The following STEAP1B variants were observed in gnomAD, a reference collection of about 807,000 sequenced individuals.
STEAP1B encodes STEAP family protein MGC87042.
A neutral mutation model predicts 27.9 loss-of-function variants in STEAP1B; 13 were observed. The ratio of observed to expected loss-of-function variants is 0.47; its 90% CI spans 0.30 to 0.74. STEAP1B has a LOEUF of 0.74. Among genes scored for constraint, STEAP1B ranks in the 30% least tolerant of loss-of-function variants. The pLI, the probability that STEAP1B is intolerant of heterozygous loss-of-function variation, is 0.06. For synonymous variants in STEAP1B, 86 were observed against 107.1 expected, an observed-to-expected ratio of 0.80 and a Z score of 1.22; for missense variants, 250 against 298.7, an observed-to-expected ratio of 0.84 and a Z score of 1.20.
intron 4 of STEAP1B, among the ~76,000 whole-genome samples, chr7:22,422,117 G>A (rs1990166): frequency 0.5 from 76,638 of 152,128 alleles, 19,483 homozygotes; most frequent in Middle Eastern, 0.62. Flanking sequence ...AAATATTGAT[G>A]GCTCTAATTT....
intron 4 of STEAP1B, among the ~76,000 whole-genome samples, chr7:22,483,917 A>G (rs1786129559): frequency 6.6e-6 from 1 of 152,228 alleles, no homozygotes; most frequent in African/African-American, 2.4e-5. Context: ...AGTTTGTTAG[A>G]AGATCAAACT....
intron 4 of STEAP1B, among the ~76,000 whole-genome samples, chr7:22,443,980 T>A (rs964502164): frequency 8.5e-5 from 13 of 152,246 alleles, no homozygotes; most frequent in Non-Finnish European, 1.3e-4. Context: ...TGAGTCCCAC[T>A]GCCCTGGTTT....
intron 4 of STEAP1B, among the ~76,000 whole-genome samples, chr7:22,443,912 G>A (rs1399149463): frequency 6.6e-6 from 1 of 152,246 alleles, no homozygotes; most frequent in Non-Finnish European, 1.5e-5. Flanking sequence ...CTGAGGTCCA[G>A]CTGAAGGTGA....
At chr7:22,442,085 T>C (rs1033345033) in intron 4 of STEAP1B, among the ~76,000 whole-genome samples, 1 of 152,194 alleles carries the variant, frequency 6.6e-6, no homozygotes, top group Non-Finnish European at 1.5e-5. Flanking sequence ...TCTGGGTAAA[T>C]GTTCTCTGTA....
chr7:22,484,752 C>T (rs1786170958), intron 4 of STEAP1B, among the ~76,000 whole-genome samples: 1 of 152,162 alleles, frequency 6.6e-6, no homozygotes, highest in African/African-American at 2.4e-5. Flanking sequence ...GAAAGATTTA[C>T]CATTTTAGAT....
chr7:22,445,716 C>G (rs73083152), intron 4 of STEAP1B, among the ~76,000 whole-genome samples: 19,341 of 152,322 alleles, frequency 0.13, 1,500 homozygotes, highest in Non-Finnish European at 0.18. Flanking sequence ...GGGCACTGCT[C>G]TCCAAGCAGC....
intron 4 of STEAP1B, among the ~76,000 whole-genome samples, chr7:22,434,812 G>A (rs1026878794): frequency 1.1e-4 from 16 of 152,054 alleles, no homozygotes; most frequent in Non-Finnish European, 2.4e-4. Context: ...AATATTACAA[G>A]GAATAATAAA....
At chr7:22,496,618 T>C (rs1397680182) in intron 1 of STEAP1B, among the ~76,000 whole-genome samples, 1 of 152,242 alleles carries the variant, frequency 6.6e-6, no homozygotes, top group Non-Finnish European at 1.5e-5. Context: ...TACTTACTAT[T>C]GTGTTTCAAC....
At chr7:22,421,886 C>T (rs1785047563) in intron 4 of STEAP1B, among the ~76,000 whole-genome samples, 1 of 152,146 alleles carries the variant, frequency 6.6e-6, no homozygotes, top group East Asian at 1.9e-4. Flanking sequence ...AATGTATACC[C>T]CACTTTGTTA....
intron 4 of STEAP1B, among the ~76,000 whole-genome samples, chr7:22,434,283 G>C (rs1288866368): frequency 6.6e-6 from 1 of 152,126 alleles, no homozygotes; most frequent in African/African-American, 2.4e-5. Flanking sequence ...GGACACCTGT[G>C]GCCATCAAGT....
Position 22,490,650 on chromosome 7 carries a change from C to A in STEAP1B, c.762+1915G>T, listed in dbSNP as rs13307201. Among the ~76,000 whole-genome samples, 3 of 152,314 alleles carry A rather than the reference C, an allele frequency of 2.0e-5. No individual in the cohort carries two copies. In the South Asian group the frequency reaches 6.2e-4, roughly 32 times the overall value. On this transcript the variant is annotated intron_variant, in intron 4 of 4. Coordinates refer to ENST00000678116, the MANE Select transcript of STEAP1B (RefSeq NM_001382447.1). ...AGTGTTTATCCACAATACTTGGAAGCGTCTTACATATTTGGTAAGGTTGTA... is the reference window on the plus strand; with the variant it reads ...AGTGTTTATCCACAATACTTGGAAGAGTCTTACATATTTGGTAAGGTTGTA...
At chr7:22,468,302 G>A (rs142794588) in intron 4 of STEAP1B, among the ~76,000 whole-genome samples, 4 of 152,032 alleles carry the variant, frequency 2.6e-5, no homozygotes, top group Admixed American at 6.6e-5. Context: ...TCATATAAAC[G>A]AATAAGGGAG....
intron 4 of STEAP1B, among the ~76,000 whole-genome samples, chr7:22,458,704 G>C (rs1044274716): frequency 6.6e-6 from 1 of 152,162 alleles, no homozygotes. Context: ...GGGAACTATA[G>C]GACTTTAGCT....
Position 22,483,810 on chromosome 7 carries a change from C to T in STEAP1B, c.762+8755G>A, listed in dbSNP as rs546836522. ...GGCAGAGAGACACGAAATGGCTGGT[C>T]GGTGGAGCAGTCAGAACAAACATTT... On this transcript the variant is annotated intron_variant, in intron 4 of 4. Transcript: ENST00000678116. Among the ~76,000 whole-genome samples the T allele has an allele frequency of 8.1e-4, 123 of 152,256 alleles. 1 individual carries two copies. Among genetic ancestry groups the T allele is most frequent in the Admixed American group, 2.0e-3 (30 of 15,300 alleles).
intron 4 of STEAP1B, among the ~76,000 whole-genome samples, chr7:22,469,640 T>C (rs1348810738): frequency 6.6e-6 from 1 of 152,160 alleles, no homozygotes; most frequent in Admixed American, 6.5e-5. Flanking sequence ...CTGCCTACAG[T>C]ATTCAATAGA....
chr7:22,461,844 T>C (rs1379789214), intron 4 of STEAP1B, among the ~76,000 whole-genome samples: 1 of 152,216 alleles, frequency 6.6e-6, no homozygotes, highest in East Asian at 1.9e-4. Context: ...TTAAATTGTG[T>C]GTTAAGTCGT....
At chr7:22,477,785 A>G (rs1288401268) in intron 4 of STEAP1B, among the ~76,000 whole-genome samples, 1 of 152,098 alleles carries the variant, frequency 6.6e-6, no homozygotes, top group African/African-American at 2.4e-5. Flanking sequence ...CAAATAGGGA[A>G]AAGTTAACTT....
At chr7:22,453,384 T>C (rs1388687671) in intron 4 of STEAP1B, among the ~76,000 whole-genome samples, 1 of 130,360 alleles carries the variant, frequency 7.7e-6, no homozygotes, top group Non-Finnish European at 1.6e-5. Context: ...TCCCTCAGCA[T>C]TTCCCCCTGA....
intron 4 of STEAP1B, among the ~76,000 whole-genome samples, chr7:22,450,175 C>T (rs1038207003): frequency 6.6e-6 from 1 of 152,048 alleles, no homozygotes; most frequent in Admixed American, 6.6e-5. Context: ...GTTGCCTGTG[C>T]TTGTGGAGTA....
Sources: allele counts gnomAD v4.1 joint callset (sites outside exome capture counted in the v4.1 genomes callset), GRCh38; gene constraint gnomAD v4.1.1; transcripts MANE v1.5; gene names NCBI Gene and HGNC (gene_info 2026-07-23, HGNC 2026-07-21).